SORCS1: variants seen among roughly 807,000 people sequenced by gnomAD.
SORCS1 encodes the protein VPS10 domain-containing receptor SorCS1.
SORCS1 carries 60 observed loss-of-function variants against 146.1 expected under a neutral mutation model. The observed-to-expected ratio is 0.41, with a 90% CI of 0.33 to 0.51. The LOEUF (loss-of-function observed/expected upper bound fraction) is 0.51. Ranked by LOEUF, SORCS1 falls within the 20% of genes least tolerant of loss-of-function variation. The pLI, the probability that SORCS1 is intolerant of heterozygous loss-of-function variation, is 0.21. For synonymous variants in SORCS1, 637 were observed against 584.0 expected (o/e 1.09, Z -1.31); for missense variants, 1,352 against 1,487.6 (o/e 0.91, Z 1.50).
intron 18 of SORCS1, among the ~76,000 whole-genome samples, chr10:106,649,182 C>A (rs1026816389): frequency 1.3e-5 from 2 of 152,158 alleles, no homozygotes; most frequent in Non-Finnish European, 2.9e-5. Context: ...TCTGTCCTTG[C>A]GACAAGGTAG....
chr10:106,813,415 G>A (rs1044676030), intron 3 of SORCS1, among the ~76,000 whole-genome samples: 45 of 152,082 alleles, frequency 3.0e-4, no homozygotes, highest in African/African-American at 1.0e-3. Flanking sequence ...TTACAGACAT[G>A]AACCACCGCG....
intron 1 of SORCS1, among the ~76,000 whole-genome samples, chr10:107,021,251 T>C (rs1958116598): frequency 6.6e-6 from 1 of 151,866 alleles, no homozygotes; most frequent in Non-Finnish European, 1.5e-5. Context: ...GGTGGCTCAC[T>C]CCTGTAATCC....
intron 2 of SORCS1, among the ~76,000 whole-genome samples, chr10:106,832,032 CT>C (rs1273144040): frequency 6.6e-6 from 1 of 152,186 alleles, no homozygotes; most frequent in East Asian, 1.9e-4. Context: ...CACAGGATAT[CT>C]TATTAATGAA....
At chr10:106,578,682 C>T in intron 25 of SORCS1, 1 of 1,016,010 alleles carries the variant, frequency 9.8e-7, no homozygotes, top group Non-Finnish European at 1.2e-6. Context: ...GTTGAGGCTA[C>T]CATGTTTCAT....
Position 107,164,605 on chromosome 10 carries a change from G to A in SORCS1, c.-79C>T. On this transcript the variant is annotated 5_prime_UTR_variant, in exon 1 of 26. Transcript: ENST00000263054. The surrounding 1 kb of genome is among the most constrained non-coding windows in gnomAD (Gnocchi z 6.8). ...GAGCTCTGCGCTGGCGGCTGTGGGG[G>A]GCCGGCGCTCAGGACCCCAACTCCA... The A allele has an allele frequency of 5.8e-6, 7 of 1,203,098 alleles. No individual in the cohort carries two copies. Among genetic ancestry groups the A allele is most frequent in the Non-Finnish European group, 7.4e-6 (7 of 941,748 alleles). The allele number at this position is 1,203,098 out of a possible 1,614,324, so 74.5% of individuals were successfully genotyped here. A position where few individuals can be genotyped will look rare whatever the true frequency, so the allele number is the denominator to read the frequency against.
At chr10:106,914,696 G>A (rs943587175) in intron 2 of SORCS1, among the ~76,000 whole-genome samples, 4 of 152,156 alleles carry the variant, frequency 2.6e-5, no homozygotes, top group South Asian at 4.1e-4. Flanking sequence ...TCCTATTATC[G>A]AATTATCCAA....
At position 106,729,967 on chromosome 10, in the gene SORCS1, G is replaced by T. The variant is rs113867797; in HGVS notation, c.1024+83C>A. 4,625 of 1,500,708 alleles carry T rather than the reference G, an allele frequency of 3.1e-3. 130 individuals are homozygous for T. In the African/African-American group the frequency reaches 0.056, roughly 18 times the overall value. The allele number at this position is 1,500,708 out of a possible 1,614,324, so 93.0% of individuals were successfully genotyped here. On this transcript the variant is annotated intron_variant, in intron 6 of 25. Transcript: ENST00000263054. Reference sequence around the variant, plus strand: ...TCCACTATTACTCTGCATACACCATGAGATTATTACACAGACTCAGTTCAT... The same window carrying T: ...TCCACTATTACTCTGCATACACCATTAGATTATTACACAGACTCAGTTCAT...
intron 1 of SORCS1, among the ~76,000 whole-genome samples, chr10:106,990,523 G>A (rs1434096906): frequency 6.6e-6 from 1 of 152,112 alleles, no homozygotes; most frequent in East Asian, 1.9e-4. Context: ...GCCTGCCTCA[G>A]CCTCCCAAAG....
At chr10:106,790,691 G>A (rs1946277687) in intron 3 of SORCS1, among the ~76,000 whole-genome samples, 1 of 152,144 alleles carries the variant, frequency 6.6e-6, no homozygotes, top group Non-Finnish European at 1.5e-5. Flanking sequence ...GACAGTCTAT[G>A]GGACTATTGG....
chr10:106,989,680 GTT>G (rs761689988), intron 1 of SORCS1, among the ~76,000 whole-genome samples: 2,321 of 69,760 alleles, frequency 0.033, 21 homozygotes, highest in African/African-American at 0.12. Flanking sequence ...GTTTTTTTTT[GTT>G]TTTTTTTTTT....
chr10:106,800,788 G>C (rs553306576), intron 3 of SORCS1, among the ~76,000 whole-genome samples: 3 of 152,028 alleles, frequency 2.0e-5, no homozygotes, highest in Non-Finnish European at 2.9e-5. Flanking sequence ...TGATCTGCCT[G>C]CCGCAGTCTC....
At chr10:107,177,195 C>T in the SORCS1 span, among the ~76,000 whole-genome samples, 3 of 151,954 alleles carry the variant, frequency 2.0e-5, no homozygotes, top group African/African-American at 7.3e-5. Context: ...TTTTTGCCTT[C>T]AATGTACCCT....
At chr10:106,588,257 C>G (rs1313002658) in intron 24 of SORCS1, among the ~76,000 whole-genome samples, 1 of 152,188 alleles carries the variant, frequency 6.6e-6, no homozygotes, top group Non-Finnish European at 1.5e-5. Flanking sequence ...GTTTCATTTT[C>G]TCCCCCTTCC....
intron 1 of SORCS1, among the ~76,000 whole-genome samples, chr10:107,010,763 A>C (rs1422254782): frequency 6.6e-6 from 1 of 152,212 alleles, no homozygotes; most frequent in Non-Finnish European, 1.5e-5. Flanking sequence ...CGAGTTCATA[A>C]GCAGCTTCCA....
At chr10:107,084,194 C>T (rs1443599810) in intron 1 of SORCS1, among the ~76,000 whole-genome samples, 2 of 144,328 alleles carry the variant, frequency 1.4e-5, no homozygotes, top group African/African-American at 2.6e-5. Context: ...CTCCTGGGTT[C>T]ACGCCACTCT....
At chr10:106,990,506 G>A (rs1368896816) in intron 1 of SORCS1, among the ~76,000 whole-genome samples, 2 of 152,054 alleles carry the variant, frequency 1.3e-5, no homozygotes, top group Admixed American at 1.3e-4. Flanking sequence ...CTGACCTCAA[G>A]TGATCTGCCT....
intron 1 of SORCS1, among the ~76,000 whole-genome samples, chr10:107,159,956 A>C (rs1368710351): frequency 6.6e-6 from 1 of 152,198 alleles, no homozygotes; most frequent in African/African-American, 2.4e-5. Context: ...CTGAGGAACA[A>C]CTGAGCTGAA....
At chr10:106,949,495 T>C (rs1954562430) in intron 2 of SORCS1, among the ~76,000 whole-genome samples, 2 of 152,090 alleles carry the variant, frequency 1.3e-5, no homozygotes, top group South Asian at 4.1e-4. Context: ...CAGGCTGCCC[T>C]CATCCCTACA....
intron 5 of SORCS1, among the ~76,000 whole-genome samples, chr10:106,750,844 G>A (rs1316678552): frequency 6.8e-6 from 1 of 146,602 alleles, no homozygotes; most frequent in Non-Finnish European, 1.5e-5. Flanking sequence ...CGGATCACGA[G>A]GTCAAGAGAT....
Sources: allele counts gnomAD v4.1 joint callset (sites outside exome capture counted in the v4.1 genomes callset), GRCh38; gene constraint gnomAD v4.1.1; non-coding constraint Gnocchi (gnomAD v3.1); transcripts MANE v1.5; gene names NCBI Gene and HGNC (gene_info 2026-07-23, HGNC 2026-07-21).